Variants in GINS1 observed in about 807,000 individuals in gnomAD.
GINS1 encodes DNA replication complex GINS protein PSF1.
GINS1 carries 26 observed loss-of-function variants against 34.9 expected under a neutral mutation model. That is an observed-to-expected ratio of 0.74 (90% CI 0.55 to 1.03). The LOEUF is 1.03. GINS1 is among the 50% of genes least tolerant of loss of function. The pLI is 0.00. For synonymous variants in GINS1, 97 were observed against 84.4 expected (o/e 1.15, Z -0.82); for missense variants, 235 against 237.9 (o/e 0.99, Z 0.08).
chr20:25,432,267 T>C (rs543471682), intron 5 of GINS1, among the ~76,000 whole-genome samples: 1 of 152,322 alleles, frequency 6.6e-6, no homozygotes, highest in South Asian at 2.1e-4. Context: ...TTTGATGTGT[T>C]ATGTTTTTGT....
intron 4 of GINS1, among the ~76,000 whole-genome samples, chr20:25,423,269 A>G (rs2090367816): frequency 6.7e-6 from 1 of 150,342 alleles, no homozygotes; most frequent in African/African-American, 2.5e-5. Flanking sequence ...GTGTGCCACC[A>G]TGCCCGGCTA....
At chr20:25,439,211 C>T (rs1169264982) in intron 5 of GINS1, among the ~76,000 whole-genome samples, 1 of 152,156 alleles carries the variant, frequency 6.6e-6, no homozygotes, top group African/African-American at 2.4e-5. Context: ...AAAGAGACAG[C>T]CAGGCACTTT....
intron 2 of GINS1, among the ~76,000 whole-genome samples, chr20:25,415,812 A>G (rs1486118100): frequency 6.6e-6 from 1 of 152,124 alleles, no homozygotes. Flanking sequence ...GTGCAAGGAG[A>G]AAGAAAAATG....
intron 6 of GINS1, among the ~76,000 whole-genome samples, chr20:25,442,427 A>G (rs887651884): frequency 1.3e-5 from 2 of 151,936 alleles, no homozygotes; most frequent in Non-Finnish European, 2.9e-5. Context: ...TATGTTGACC[A>G]TGCTAGTCTC....
chr20:25,421,428 C>T (rs2090354776), intron 4 of GINS1, among the ~76,000 whole-genome samples: 2 of 152,158 alleles, frequency 1.3e-5, no homozygotes, highest in South Asian at 4.1e-4. Flanking sequence ...TATGAAAGCA[C>T]ACTGATGATA....
rs541315595 is a variant in GINS1, at chr20:25,423,159, G to A, written c.331-2052G>A. ...AGAGACAGTTTGACTCTGTCGCACA[G>A]GCTGGAGTGCAGTGGCATAGCTCGG... On this transcript the variant is annotated intron_variant, in intron 4 of 6. Coordinates refer to ENST00000262460, the MANE Select transcript of GINS1 (RefSeq NM_021067.5). Among the ~76,000 whole-genome samples the A allele has an allele frequency of 4.6e-5, 7 of 151,828 alleles. No homozygotes were observed. The East Asian group carries it at 1.2e-3, about 25-fold the overall frequency.
intron 4 of GINS1, among the ~76,000 whole-genome samples, chr20:25,424,165 G>C (rs1458599137): frequency 6.6e-6 from 1 of 152,110 alleles, no homozygotes; most frequent in Non-Finnish European, 1.5e-5. Flanking sequence ...TGTTATGCTA[G>C]TCTATCTGTT....
At chr20:25,413,728 G>A (rs369890922) in intron 1 of GINS1, 62 bp from the exon 2 acceptor site, 2 of 907,438 alleles carry the variant, frequency 2.2e-6, no homozygotes, top group African/African-American at 1.6e-5. Flanking sequence ...AGTATTGATA[G>A]CATATTGCCA....
At chr20:25,445,317 G>A (rs1233729471) in intron 6 of GINS1, among the ~76,000 whole-genome samples, 1 of 151,544 alleles carries the variant, frequency 6.6e-6, no homozygotes, top group African/African-American at 2.4e-5. Flanking sequence ...GTGTAGCTGG[G>A]ATTACAGGCA....
intron 4 of GINS1, among the ~76,000 whole-genome samples, chr20:25,422,752 A>C (rs1301039517): frequency 1.3e-5 from 2 of 152,130 alleles, no homozygotes; most frequent in African/African-American, 4.8e-5. Context: ...TAATCTGTTG[A>C]TATATTAGCA....
At position 25,420,216 on chromosome 20, in the gene GINS1, C is replaced by A. The variant is rs192677299; in HGVS notation, c.330+2021C>A. 3.9e-3 allele frequency among the ~76,000 whole-genome samples: 593 copies of A among 152,110 alleles called. 1 individual carries two copies. The highest frequency in any genetic ancestry group is 6.5e-3 in the Non-Finnish European group (442 of 67,996). On this transcript the variant is annotated intron_variant, in intron 4 of 6. Coordinates refer to ENST00000262460, the MANE Select transcript of GINS1 (RefSeq NM_021067.5). ...TGGCACGATCTTGGCTCACTGAAAC[C>A]TCTGCCTCCCGGGTTCAAGCGATTC... is the stretch of plus-strand genomic sequence containing the variant.
chr20:25,413,127 T>G (rs1483460886), intron 1 of GINS1, among the ~76,000 whole-genome samples: 2 of 152,042 alleles, frequency 1.3e-5, no homozygotes, highest in Non-Finnish European at 2.9e-5. Flanking sequence ...TGGCATGATC[T>G]TGGCTCATTG....
chr20:25,415,031 G>T (rs2090311525), intron 2 of GINS1, among the ~76,000 whole-genome samples: 1 of 152,206 alleles, frequency 6.6e-6, no homozygotes, highest in South Asian at 2.1e-4. Flanking sequence ...TCAAGTACTG[G>T]ATCAAAGTTG....
intron 5 of GINS1, among the ~76,000 whole-genome samples, chr20:25,426,249 GT>G (rs1162493614): frequency 6.6e-6 from 1 of 152,066 alleles, no homozygotes; most frequent in African/African-American, 2.4e-5. Flanking sequence ...CATTTCTGTG[GT>G]ATCTGTGGTA....
Position 25,448,220 on chromosome 20 carries a change from A to G in GINS1, c.*2229A>G, listed in dbSNP as rs974864526. ...CCTTGATTGAGATTGCATTGAATTT[A>G]TATAAAACTGTTGGGAGAATTGACA... On this transcript the variant is annotated 3_prime_UTR_variant, in exon 7 of 7. Transcript: ENST00000262460. 4 of 152,216 alleles carry G rather than the reference A, an allele frequency of 2.6e-5. No homozygotes were observed. Among genetic ancestry groups the G allele is most frequent in the Admixed American group, 6.5e-5 (1 of 15,282 alleles). The allele number at this position is 152,216 out of a possible 1,614,324, so 9.4% of individuals were successfully genotyped here.
intron 2 of GINS1, among the ~76,000 whole-genome samples, chr20:25,416,019 A>G (rs2090318455): frequency 1.3e-5 from 2 of 152,206 alleles, no homozygotes; most frequent in African/African-American, 4.8e-5. Flanking sequence ...ACTGACACTT[A>G]AAGAAGACCT....
At chr20:25,429,349 G>A (rs1434568951) in intron 5 of GINS1, among the ~76,000 whole-genome samples, 1 of 152,038 alleles carries the variant, frequency 6.6e-6, no homozygotes, top group South Asian at 2.1e-4. Context: ...TGTGGGATGG[G>A]TTTTTCTGTT....
Position 25,407,836 on chromosome 20 carries a change from G to A in GINS1, c.16G>A (p.Ala6Thr). 1 of 1,614,006 alleles carries A rather than the reference G, an allele frequency of 6.2e-7. No homozygotes were observed. The highest frequency in any genetic ancestry group is 8.5e-7 in the Non-Finnish European group (1 of 1,179,944). ...AGCGTCCGCCATGTTCTGCGAAAAA[G>A]CCATGGAACTGATCCGCGAGCTGCA... MFCEKAMELIRELHRA... is the reference protein window; with the variant it reads MFCEKTMELIRELHRA... Residue 6 changes from alanine to threonine, a missense_variant, in exon 1 of 7, where the codon GCC (alanine) becomes ACC (threonine). Physicochemically the swap from Ala to Thr is moderately conservative, Grantham distance 58. Transcript: ENST00000262460.
intron 6 of GINS1, among the ~76,000 whole-genome samples, chr20:25,443,432 G>A (rs560802977): frequency 6.6e-6 from 1 of 150,676 alleles, no homozygotes; most frequent in Admixed American, 6.6e-5. Flanking sequence ...AGCAAGATAT[G>A]TGAAATGTCC....
Sources: gnomAD v4.1 joint callset for allele counts (sites outside exome capture counted in the v4.1 genomes callset) on GRCh38, gnomAD v4.1.1 for gene constraint, MANE v1.5 for transcripts, NCBI Gene and HGNC (gene_info 2026-07-23, HGNC 2026-07-21) for gene names.